The following IQGAP1 variants were observed in gnomAD, a reference collection of about 807,000 sequenced individuals.
IQGAP1 encodes IQ motif containing GTPase activating protein 1.
In IQGAP1, 66 loss-of-function variants were observed where a neutral mutation model predicts 215.6. The observed-to-expected ratio is 0.31, with a 90% CI of 0.25 to 0.38. IQGAP1 has a LOEUF of 0.38. IQGAP1 is among the 10% of genes least tolerant of loss of function. IQGAP1 has a pLI of 1.00. For synonymous variants in IQGAP1, 772 were observed against 728.7 expected (o/e 1.06, Z -0.96); for missense variants, 1,712 against 1,997.1 (o/e 0.86, Z 2.72).
rs200383967 is a variant in IQGAP1, at chr15:90,452,898, A to T, written c.1286A>T (p.Tyr429Phe). 1.7e-5 allele frequency: 28 copies of T among 1,614,096 alleles called. No individual in the cohort carries two copies. In the South Asian group the frequency reaches 2.9e-4, roughly 16 times the overall value. Residue 429 changes from tyrosine (Y) to phenylalanine (F), a missense_variant, in exon 12 of 38, where the codon TAT becomes TTT. By Grantham distance (22) the Tyr-to-Phe change is conservative. This residue lies in a region of IQGAP1 where 1,021 missense variants were observed against 1,074.2 expected (regional missense o/e 0.95). Coordinates refer to ENST00000268182, the MANE Select transcript of IQGAP1 (RefSeq NM_003870.4). ...GTGTATCCATTTGCCGCCGATCTCTATCAGAAGGAGCTGGCTACCCTGCAG... is the reference window on the plus strand; with the variant it reads ...GTGTATCCATTTGCCGCCGATCTCTTTCAGAAGGAGCTGGCTACCCTGCAG... ...PQVYPFAADL[Y>F]QKELATLQRQ...
intron 8 of IQGAP1, among the ~76,000 whole-genome samples, chr15:90,442,317 G>A (rs781677940): frequency 7.9e-5 from 12 of 151,906 alleles, no homozygotes; most frequent in South Asian, 2.1e-4. Flanking sequence ...TTAGCCCAGC[G>A]TTGTGTTGGG....
Position 90,426,126 on chromosome 15 carries a change from C to T in IQGAP1, c.172C>T (p.Leu58=). The T allele has an allele frequency of 1.9e-6, 3 of 1,605,402 alleles. No individual in the cohort carries two copies. Among genetic ancestry groups the T allele is most frequent in the Non-Finnish European group, 2.5e-6 (3 of 1,176,532 alleles). The part of the protein sequence containing the change: ...EEAKRWMEAC[L]GEDLPPTTEL... The stretch of plus-strand genomic sequence containing the variant: ...TTGGTGCAGGTGGATGGAAGCATGC[C>T]TAGGGGAAGATCTGCCTCCCACCAC... The change falls in exon 3 of 38, where the codon CTA becomes TTA. Residue 58 remains leucine (L), a synonymous_variant. Coordinates refer to ENST00000268182, the MANE Select transcript of IQGAP1 (RefSeq NM_003870.4).
At chr15:90,423,704 G>A (rs1145323) in intron 2 of IQGAP1, among the ~76,000 whole-genome samples, 146,706 of 152,354 alleles carry the variant, frequency 0.96, 70,700 homozygotes, top group East Asian at 1. Context: ...CATTCTTTCT[G>A]TTTAATAACT....
At chr15:90,408,787 A>G (rs1160592884) in intron 2 of IQGAP1, among the ~76,000 whole-genome samples, 1 of 152,130 alleles carries the variant, frequency 6.6e-6, no homozygotes, top group African/African-American at 2.4e-5. Flanking sequence ...CTATCACTTA[A>G]AAAATTAATT....
chr15:90,463,082 C>G (rs767756288), intron 15 of IQGAP1, among the ~76,000 whole-genome samples: 9 of 152,210 alleles, frequency 5.9e-5, no homozygotes, highest in Non-Finnish European at 1.3e-4. Context: ...TATGCTGTCT[C>G]TCTTTCCTTC....
chr15:90,496,319 T>C (rs1966273397), intron 36 of IQGAP1, among the ~76,000 whole-genome samples: 1 of 62,512 alleles, frequency 1.6e-5, no homozygotes, highest in South Asian at 1.0e-3. Context: ...TTTTTTTTTT[T>C]TTTTTTTTTT....
chr15:90,391,144 G>C (rs557202513), intron 2 of IQGAP1: 44 of 292,784 alleles, frequency 1.5e-4, no homozygotes, highest in Non-Finnish European at 2.3e-4. Context: ...AGCCTGAGGA[G>C]GGAGGATCAC....
In IQGAP1 at chr15:90,473,918, A is replaced by G; in HGVS notation, c.2456A>G (p.His819Arg). Residue 819 changes from histidine to arginine, a missense_variant, in exon 21 of 38, where the codon CAC becomes CGC. Transcript: ENST00000268182. ...CAGATTCAGTCCCTGGCAAGGATGC[A>G]CCAAGCTCGAAAGCGCTATCGAGAT... ...VVKIQSLARM[H>R]QARKRYRDRL... 6.2e-7 allele frequency: 1 copy of G among 1,613,958 alleles called. No individual in the cohort carries two copies. The highest frequency in any genetic ancestry group is 8.5e-7 in the Non-Finnish European group (1 of 1,180,010).
At position 90,466,029 on chromosome 15, in the gene IQGAP1, G is replaced by T; in HGVS notation, c.1805G>T (p.Trp602Leu). Residue 602 changes from tryptophan (W) to leucine (L), a missense_variant, in exon 16 of 38, where the codon TGG becomes TTG. Physicochemically the swap from Trp to Leu is moderately conservative, Grantham distance 61 (BLOSUM62 -2). Around this residue, in one of 2 missense-constraint regions of IQGAP1, gnomAD observed 1,021 missense variants for 1,074.2 expected, o/e 0.95. Coordinates refer to ENST00000268182, the MANE Select transcript of IQGAP1 (RefSeq NM_003870.4). ...ATCCAGGATGAGTCAGCTGTGTTATGGTTGGATGAAATTCAAGGTGGAATC... is the reference window on the plus strand; with the variant it reads ...ATCCAGGATGAGTCAGCTGTGTTATTGTTGGATGAAATTCAAGGTGGAATC... Reference protein sequence around the residue: ...QEIQDESAVLWLDEIQGGIWQ... With the variant: ...QEIQDESAVLLLDEIQGGIWQ... 1 of 1,614,014 alleles carries T rather than the reference G, an allele frequency of 6.2e-7. No homozygotes were observed. The highest frequency in any genetic ancestry group is 1.1e-5 in the South Asian group (1 of 91,074).
intron 2 of IQGAP1, among the ~76,000 whole-genome samples, chr15:90,398,556 G>C (rs1964758954): frequency 6.6e-6 from 1 of 152,000 alleles, no homozygotes; most frequent in Admixed American, 6.6e-5. Context: ...ATTTAGGAGG[G>C]GGTTATATCC....
At chr15:90,467,406 G>A in intron 17 of IQGAP1, 44 bp from the exon 18 acceptor site, 3 of 1,583,134 alleles carry the variant, frequency 1.9e-6, no homozygotes, top group Non-Finnish European at 2.6e-6. Context: ...CAGCTGGGGA[G>A]TGTGGCTCTG....
At chr15:90,456,429 T>G (rs975363035) in intron 15 of IQGAP1, 114 bp downstream of exon 15, 3 of 1,027,076 alleles carry the variant, frequency 2.9e-6, no homozygotes, top group Non-Finnish European at 4.2e-6. Flanking sequence ...CTGGGCACCC[T>G]TAGATTCAAA....
At chr15:90,403,523 T>G (rs947038950) in intron 2 of IQGAP1, among the ~76,000 whole-genome samples, 5 of 152,204 alleles carry the variant, frequency 3.3e-5, no homozygotes, top group African/African-American at 1.2e-4. Context: ...GTCTATATCC[T>G]TAGTCTTCTT....
intron 1 of IQGAP1, among the ~76,000 whole-genome samples, chr15:90,389,207 A>G (rs553918538): frequency 6.6e-6 from 1 of 152,288 alleles, no homozygotes; most frequent in East Asian, 1.9e-4. Context: ...GAGCGTTTTA[A>G]TCAGAGAGTC....
Position 90,465,671 on chromosome 15 carries a change from A to ATGTTTGTT in IQGAP1, c.1777-300_1777-293dup, listed in dbSNP as rs36085795. 9.7e-3 allele frequency among the ~76,000 whole-genome samples: 862 copies of ATGTTTGTT among 89,204 alleles called. 6 individuals are homozygous for ATGTTTGTT. The highest frequency in any genetic ancestry group is 0.093 in the East Asian group (100 of 1,080). 58.5% of individuals were successfully genotyped at this position (89,204 alleles called of 152,430 possible). A position where few individuals can be genotyped will look rare whatever the true frequency, so the allele number is the denominator to read the frequency against. The stretch of plus-strand genomic sequence containing the variant: ...GTGCACCACCATGCCTGGCCAAGCT[A>ATGTTTGTT]TGTTTGTTTGTTTGTTTGTTTGTTT... On this transcript the variant is annotated intron_variant, in intron 15 of 37. Coordinates refer to ENST00000268182, the MANE Select transcript of IQGAP1 (RefSeq NM_003870.4).
intron 2 of IQGAP1, among the ~76,000 whole-genome samples, chr15:90,395,672 G>A (rs566239406): frequency 6.6e-6 from 1 of 152,344 alleles, no homozygotes; most frequent in South Asian, 2.1e-4. Context: ...TCAGTTGAAG[G>A]AGGTAACATT....
rs776298463 is a variant in IQGAP1 at position 90,472,951 on chromosome 15, G to A, written c.2290G>A (p.Glu764Lys). Residue 764 changes from glutamate to lysine, a missense_variant, in exon 19 of 38, where the codon GAA becomes AAA. This residue lies in a region of IQGAP1 where 1,021 missense variants were observed against 1,074.2 expected (regional missense o/e 0.95). Transcript: ENST00000268182. ...ARCRGYLVRQ[E>K]FRSRMNFLKK... is the part of the protein sequence containing the mutation. ...CTGCCGTGGATACTTAGTTCGACAG[G>A]AATTCCGATCCAGGATGAATTTCCT... is the stretch of plus-strand genomic sequence containing the variant. 1.2e-6 allele frequency: 2 copies of A among 1,613,962 alleles called. No homozygotes were observed. The highest frequency in any genetic ancestry group is 2.2e-5 in the South Asian group (2 of 91,050).
chr15:90,452,879 C>A lies in IQGAP1; in HGVS notation c.1267C>A (p.Pro423Thr), dbSNP rs764469490. ...NPEAQLPQVY[P>T]FAADLYQKEL... Reference sequence around the variant, plus strand: ...CGAAGCCCAGCTGCCCCAGGTGTATCCATTTGCCGCCGATCTCTATCAGAA... The same window carrying A: ...CGAAGCCCAGCTGCCCCAGGTGTATACATTTGCCGCCGATCTCTATCAGAA... Residue 423 changes from proline to threonine, a missense_variant, in exon 12 of 38, where the codon CCA becomes ACA. Transcript: ENST00000268182. 1 of 1,614,078 alleles carries A rather than the reference C, an allele frequency of 6.2e-7. No individual in the cohort carries two copies. The highest frequency in any genetic ancestry group is 8.5e-7 in the Non-Finnish European group (1 of 1,180,012).
chr15:90,461,767 C>A (rs1196542218), intron 15 of IQGAP1, among the ~76,000 whole-genome samples: 2 of 151,780 alleles, frequency 1.3e-5, no homozygotes, highest in Admixed American at 1.3e-4. Context: ...TAGGAGGTTG[C>A]AGTAAGCTGA....
Sources: gnomAD v4.1 joint callset for allele counts (sites outside exome capture counted in the v4.1 genomes callset) on GRCh38, gnomAD v4.1.1 for gene constraint, gnomAD v4.1.1 regional missense constraint, MANE v1.5 for transcripts, NCBI Gene and HGNC (gene_info 2026-07-23, HGNC 2026-07-21) for gene names.